Variants in RPGRIP1 observed in about 807,000 individuals in gnomAD.
The protein encoded by RPGRIP1 is X-linked retinitis pigmentosa GTPase regulator-interacting protein 1.
A neutral mutation model predicts 157.9 loss-of-function variants in RPGRIP1; 128 were observed. The ratio of observed to expected loss-of-function variants is 0.81; its 90% confidence interval spans 0.70 to 0.94. The LOEUF is 0.94. RPGRIP1 is among the 40% of genes least tolerant of loss of function. The pLI, the probability that RPGRIP1 is intolerant of heterozygous loss-of-function variation, is 0.00. For missense variants in RPGRIP1, 1,486 were observed against 1,545.8 expected, an observed-to-expected ratio of 0.96 and a Z score of 0.65; for synonymous variants, 554 against 571.6, an observed-to-expected ratio of 0.97 and a Z score of 0.44.
At chr14:21,280,261 T>TA (rs1491562552) in intron 1 of RPGRIP1, among the ~76,000 whole-genome samples, 102 bp downstream of exon 1, 3 of 125,420 alleles carry the variant, frequency 2.4e-5, no homozygotes, top group Non-Finnish European at 5.1e-5. Flanking sequence ...TTTTTTTTTT[T>TA]GAGACAGAGT....
intron 2 of RPGRIP1, 69 bp from the exon 3 acceptor site, chr14:21,294,608 T>G: frequency 4.1e-5 from 59 of 1,426,178 alleles, no homozygotes; most frequent in Non-Finnish European, 5.1e-5. Context: ...CAAGATGTGA[T>G]GAGACATCTA....
intron 21 of RPGRIP1, among the ~76,000 whole-genome samples, chr14:21,338,955 A>G (rs959313938): frequency 2.0e-5 from 3 of 151,986 alleles, no homozygotes; most frequent in African/African-American, 7.3e-5. Context: ...CCTGGCCAAC[A>G]TGGTGAAACC....
intron 2 of RPGRIP1, among the ~76,000 whole-genome samples, chr14:21,292,107 G>C (rs1264415165): frequency 6.6e-6 from 1 of 152,094 alleles, no homozygotes; most frequent in Non-Finnish European, 1.5e-5. Context: ...GCCCAGGCTG[G>C]TCTCAAACTC....
Position 21,307,879 on chromosome 14 carries a change from C to T in RPGRIP1, c.906+43C>T, listed in dbSNP as rs761538402. 8 of 1,072,054 alleles carry T rather than the reference C, an allele frequency of 7.5e-6. No homozygotes were observed. The East Asian group carries it at 1.4e-4, about 18-fold the overall frequency. The allele number at this position is 1,072,054 out of a possible 1,614,324, so 66.4% of individuals were successfully genotyped here. The stretch of plus-strand genomic sequence containing the variant: ...GCTGTGCTTTCTTGGTGGGGGGAAA[C>T]CCCAATTAAGAGATTCATATTATTT... On this transcript the variant is annotated intron_variant, in intron 7 of 24. Coordinates refer to ENST00000400017, the MANE Select transcript of RPGRIP1 (RefSeq NM_020366.4).
chr14:21,304,420 A>AAAGAAAGAAAGAAAGG (rs758138921), intron 6 of RPGRIP1, among the ~76,000 whole-genome samples: 1,766 of 150,920 alleles, frequency 0.012, 21 homozygotes, highest in East Asian at 0.067. Context: ...AGAAAGAAAG[A>AAAGAAAGAAAGAAAGG]AAGAAAGAAA....
intron 23 of RPGRIP1, among the ~76,000 whole-genome samples, chr14:21,346,738 T>G (rs1380609538): frequency 6.6e-6 from 1 of 152,240 alleles, no homozygotes; most frequent in African/African-American, 2.4e-5. Flanking sequence ...GATCTCACTA[T>G]GTTGCCCAGC....
chr14:21,351,137 G>A lies in RPGRIP1; in HGVS notation c.3782G>A (p.Gly1261Glu). 1 of 1,612,342 alleles carries A rather than the reference G, an allele frequency of 6.2e-7. No homozygotes were observed. Among genetic ancestry groups the A allele is most frequent in the Non-Finnish European group, 8.5e-7 (1 of 1,179,088 alleles). Residue 1261 changes from glycine (G) to glutamate (E), a missense_variant, in exon 25 of 25, where the codon GGA (glycine) becomes GAA (glutamate). Transcript: ENST00000400017. ...VSPEDLATPI[G>E]RLKVSLQAAA... is the part of the protein sequence containing the mutation. ...CCTGAAGATCTGGCTACCCCAATAG[G>A]AAGGCTGAAGGTTTCCCTTCAAGCA... is the stretch of plus-strand genomic sequence containing the variant.
chr14:21,331,907 A>G (rs1883833869), intron 20 of RPGRIP1, among the ~76,000 whole-genome samples: 2 of 150,940 alleles, frequency 1.3e-5, no homozygotes, highest in Non-Finnish European at 3.0e-5. Context: ...TTTTTTTCTA[A>G]ATCTCTAGAA....
chr14:21,327,679 C>G lies in RPGRIP1; in HGVS notation c.2767C>G (p.Leu923Val). The G allele has an allele frequency of 6.2e-7, 1 of 1,613,936 alleles. No individual in the cohort carries two copies. Among genetic ancestry groups the G allele is most frequent in the South Asian group, 1.1e-5 (1 of 91,080 alleles). ...EKPNGSIQVQLDWKFPYIPPE... is the reference protein window; with the variant it reads ...EKPNGSIQVQVDWKFPYIPPE... ...ACCCAACGGATCTATTCAAGTGCAA[C>G]TGGATTGGAAGTTTCCCTACATACC... The change falls in exon 18 of 25, where the codon CTG (leucine) becomes GTG (valine). Residue 923 changes from leucine (L) to valine (V), a missense_variant. By Grantham distance (32) the Leu-to-Val change is conservative (BLOSUM62 1). Transcript: ENST00000400017.
rs1040904 is a variant in RPGRIP1, at chr14:21,301,034, C to A, written c.287C>A (p.Pro96Gln). Residue 96 changes from proline to glutamine, a missense_variant, in exon 4 of 25, where the codon CCG becomes CAG. By Grantham distance (76) the Pro-to-Gln change is moderately conservative. Transcript: ENST00000400017. ...RDLRVAEEAA[P>Q]LSETARRGQK... ...CTGCGGGTCGCGGAGGAGGCGGCGC[C>A]GCTCTCGGAGACCGCAAGGCGCGGG... 0.049 allele frequency: 78,875 copies of A among 1,612,406 alleles called. 3,144 individuals are homozygous for A. The highest frequency in any genetic ancestry group is 0.22 in the Admixed American group (13,094 of 59,944).
chr14:21,341,413 G>A (rs1594261047), intron 21 of RPGRIP1, among the ~76,000 whole-genome samples: 1 of 152,258 alleles, frequency 6.6e-6, no homozygotes, highest in East Asian at 1.9e-4. Context: ...TTTCTTAGGG[G>A]CAGGCACAGG....
intron 21 of RPGRIP1, among the ~76,000 whole-genome samples, chr14:21,336,203 C>T (rs941000960): frequency 1.4e-4 from 22 of 152,142 alleles, no homozygotes; most frequent in African/African-American, 4.3e-4. Context: ...GGAGAAAAAA[C>T]TCAAAGTCAG....
intron 24 of RPGRIP1, among the ~76,000 whole-genome samples, 176 bp downstream of exon 24, chr14:21,348,478 G>A (rs556390948): frequency 6.6e-6 from 1 of 152,220 alleles, no homozygotes; most frequent in South Asian, 2.1e-4. Flanking sequence ...AGTCAGTTGT[G>A]TATTTTTACC....
chr14:21,337,488 A>G (rs1002549180), intron 21 of RPGRIP1, among the ~76,000 whole-genome samples: 8 of 135,928 alleles, frequency 5.9e-5, no homozygotes, highest in Admixed American at 1.6e-4. Flanking sequence ...CCCAGGCTGG[A>G]GTGCGTGCAG....
At chr14:21,344,388 G>C (rs368789216) in intron 22 of RPGRIP1, among the ~76,000 whole-genome samples, 8 of 151,856 alleles carry the variant, frequency 5.3e-5, no homozygotes, top group African/African-American at 1.9e-4. Flanking sequence ...TTTTCCTGAA[G>C]ACCTCTCTCC....
At chr14:21,333,345 C>G (rs886308769) in intron 20 of RPGRIP1, among the ~76,000 whole-genome samples, 2 of 149,444 alleles carry the variant, frequency 1.3e-5, no homozygotes, top group African/African-American at 5.2e-5. Context: ...TTTTAGCAGC[C>G]TTTGCTTTTG....
chr14:21,320,252 G>T (rs1410971758), intron 12 of RPGRIP1, 75 bp downstream of exon 12: 3 of 1,327,468 alleles, frequency 2.3e-6, no homozygotes, highest in Non-Finnish European at 3.1e-6. Context: ...AAGATGATGA[G>T]ATTAGAAAAC....
intron 23 of RPGRIP1, among the ~76,000 whole-genome samples, chr14:21,347,437 A>G (rs78824724): frequency 2.0e-5 from 3 of 152,222 alleles, no homozygotes; most frequent in African/African-American, 4.8e-5. Flanking sequence ...GAAGTTCTCA[A>G]TAATGACATA....
At chr14:21,335,313 C>T (rs1884232382) in intron 21 of RPGRIP1, among the ~76,000 whole-genome samples, 1 of 152,098 alleles carries the variant, frequency 6.6e-6, no homozygotes, top group Non-Finnish European at 1.5e-5. Flanking sequence ...TCCTGTAATT[C>T]ATGCCCAGCC....
Sources: allele counts gnomAD v4.1 joint callset (sites outside exome capture counted in the v4.1 genomes callset), GRCh38; gene constraint gnomAD v4.1.1; transcripts MANE v1.5; gene names NCBI Gene and HGNC (gene_info 2026-07-23, HGNC 2026-07-21).